Variants in AFG1L observed in about 807,000 individuals in gnomAD.
The protein encoded by AFG1L is AFG1 like ATPase, also known as AFG1-like ATPase.
A neutral mutation model predicts 62.2 loss-of-function variants in AFG1L; 53 were observed. That is an observed-to-expected ratio of 0.85 (90% confidence interval 0.68 to 1.07). The LOEUF (loss-of-function observed/expected upper bound fraction) is 1.07. Among genes scored for constraint, AFG1L ranks in the 50% least tolerant of loss-of-function variants. AFG1L has a pLI of 0.00. For synonymous variants in AFG1L, 228 were observed against 210.3 expected, an observed-to-expected ratio of 1.08 and a Z score of -0.73; for missense variants, 555 against 590.5, an observed-to-expected ratio of 0.94 and a Z score of 0.62.
At chr6:108,353,007 G>GTTTGGGTTGTTCCATCT (rs1779141849) in intron 3 of AFG1L, among the ~76,000 whole-genome samples, 1 of 152,162 alleles carries the variant, frequency 6.6e-6, no homozygotes, top group South Asian at 2.1e-4. Context: ...ATTAATGGAT[G>GTTTGGGTTGTTCCATCT]TTTGGGTTGT....
chr6:108,303,625 T>C (rs1777092672), intron 1 of AFG1L, among the ~76,000 whole-genome samples: 1 of 152,198 alleles, frequency 6.6e-6, no homozygotes, highest in Non-Finnish European at 1.5e-5. Context: ...CAGAAGCTAC[T>C]CTATGAACAT....
chr6:108,388,505 T>C (rs1307552757), intron 6 of AFG1L, among the ~76,000 whole-genome samples: 1 of 152,224 alleles, frequency 6.6e-6, no homozygotes, highest in Admixed American at 6.5e-5. Flanking sequence ...CTTTCTCCTG[T>C]GGGCATTTAG....
intron 7 of AFG1L, among the ~76,000 whole-genome samples, chr6:108,432,688 C>T (rs1771128833): frequency 1.3e-5 from 2 of 152,134 alleles, no homozygotes; most frequent in African/African-American, 4.8e-5. Context: ...TGGAACTGAC[C>T]AGAGATGGGG....
At chr6:108,465,319 A>G (rs532472112) in intron 8 of AFG1L, among the ~76,000 whole-genome samples, 39 of 152,360 alleles carry the variant, frequency 2.6e-4, no homozygotes, top group African/African-American at 8.9e-4. Flanking sequence ...GTTGACTACC[A>G]GATGTCTCTA....
At chr6:108,413,878 C>T (rs540777990) in intron 7 of AFG1L, among the ~76,000 whole-genome samples, 1 of 152,174 alleles carries the variant, frequency 6.6e-6, no homozygotes, top group East Asian at 1.9e-4. Context: ...CAAGAGCAAA[C>T]ACATTCAAAA....
chr6:108,463,765 A>C (rs1230620594), intron 8 of AFG1L, among the ~76,000 whole-genome samples: 1 of 152,228 alleles, frequency 6.6e-6, no homozygotes, highest in Non-Finnish European at 1.5e-5. Flanking sequence ...GTGATTGAGA[A>C]GATAAATACT....
At chr6:108,295,489 A>G (rs1776732721) in intron 1 of AFG1L, among the ~76,000 whole-genome samples, 1 of 151,922 alleles carries the variant, frequency 6.6e-6, no homozygotes, top group Non-Finnish European at 1.5e-5. Context: ...AGCTGAACCT[A>G]GTGGGAGTGC....
chr6:108,459,389 T>G (rs1772370947), intron 8 of AFG1L, among the ~76,000 whole-genome samples: 1 of 152,204 alleles, frequency 6.6e-6, no homozygotes. Context: ...CTGAACTGAT[T>G]TGTTTCCCTT....
chr6:108,300,153 G>GT (rs11434226), intron 1 of AFG1L, among the ~76,000 whole-genome samples: 15,647 of 144,600 alleles, frequency 0.11, 2,266 homozygotes, highest in African/African-American at 0.33. Context: ...CCCTATTAGG[G>GT]TTTTTTTTTT....
intron 7 of AFG1L, among the ~76,000 whole-genome samples, chr6:108,415,595 A>G (rs1262830231): frequency 6.6e-6 from 1 of 152,230 alleles, no homozygotes; most frequent in Non-Finnish European, 1.5e-5. Context: ...GGAACAGAAT[A>G]GAGCCCCCGG....
chr6:108,320,546 T>C (rs2114286225), intron 1 of AFG1L, among the ~76,000 whole-genome samples: 1 of 152,240 alleles, frequency 6.6e-6, no homozygotes, highest in East Asian at 1.9e-4. Flanking sequence ...GAAAAACAAC[T>C]CAGTGACATG....
chr6:108,334,286 T>A (rs1778390683), intron 2 of AFG1L, among the ~76,000 whole-genome samples: 1 of 152,198 alleles, frequency 6.6e-6, no homozygotes, highest in South Asian at 2.1e-4. Context: ...ATTACAGGTG[T>A]GAGCCACTGT....
At chr6:108,505,424 G>C (rs1401903895) in intron 10 of AFG1L, among the ~76,000 whole-genome samples, 1 of 151,890 alleles carries the variant, frequency 6.6e-6, no homozygotes, top group African/African-American at 2.4e-5. Context: ...TTTTTCAAAG[G>C]TAAAATCCAG....
At chr6:108,335,731 G>A (rs934090864) in intron 2 of AFG1L, among the ~76,000 whole-genome samples, 1 of 152,228 alleles carries the variant, frequency 6.6e-6, no homozygotes, top group Non-Finnish European at 1.5e-5. Flanking sequence ...GCCAAAAGCA[G>A]AGTATCAGGT....
Position 108,295,140 on chromosome 6 carries a change from G to C in AFG1L, c.61G>C (p.Gly21Arg). ...CCCCTTAGCACAGAGCCCGCTGAGA[G>C]GGAGATGTGTTGGGTGCGGGGCCTG... ...LRPLAQSPLR[G>R]RCVGCGAWAA... Residue 21 changes from glycine (G) to arginine (R), a missense_variant, in exon 1 of 13, where the codon GGG (glycine) becomes CGG (arginine). Coordinates refer to ENST00000368977, the MANE Select transcript of AFG1L (RefSeq NM_145315.5). 6.2e-7 allele frequency: 1 copy of C among 1,611,028 alleles called. No homozygotes were observed. Among genetic ancestry groups the C allele is most frequent in the Non-Finnish European group, 8.5e-7 (1 of 1,179,992 alleles).
intron 2 of AFG1L, among the ~76,000 whole-genome samples, chr6:108,343,250 A>C (rs1778746641): frequency 6.6e-6 from 1 of 152,000 alleles, no homozygotes; most frequent in African/African-American, 2.4e-5. Context: ...GGGTTTCACC[A>C]TGTTGGCCAC....
chr6:108,389,741 AGATCCGCTG>A (rs1270562367), intron 6 of AFG1L, among the ~76,000 whole-genome samples: 1 of 152,170 alleles, frequency 6.6e-6, no homozygotes, highest in Non-Finnish European at 1.5e-5. Flanking sequence ...TTCTGCCGAG[AGATCCGCTG>A]TTAGTGTGAT....
chr6:108,441,665 C>T (rs1429096280), intron 7 of AFG1L, among the ~76,000 whole-genome samples: 2 of 145,224 alleles, frequency 1.4e-5, no homozygotes, highest in Admixed American at 7.0e-5. Context: ...AAGAATCTAG[C>T]GTAAGTGAAT....
intron 8 of AFG1L, among the ~76,000 whole-genome samples, chr6:108,457,899 T>TTTTCTTCCTTCCTTCCTCTCTC: frequency 6.6e-6 from 1 of 151,554 alleles, no homozygotes; most frequent in African/African-American, 2.4e-5. Flanking sequence ...TCCTTCCCCC[T>TTTTCTTCCTTCCTTCCTCTCTC]TTTCTTCCTT....
Sources: gnomAD v4.1 joint callset for allele counts (sites outside exome capture counted in the v4.1 genomes callset) on GRCh38, gnomAD v4.1.1 for gene constraint, MANE v1.5 for transcripts, NCBI Gene and HGNC (gene_info 2026-07-23, HGNC 2026-07-21) for gene names.